The following VWA3A variants were observed in gnomAD, a reference collection of about 807,000 sequenced individuals.
The protein encoded by VWA3A is von Willebrand factor A domain-containing protein 3A.
Under a neutral mutation model 160.4 loss-of-function variants are expected in VWA3A, and 134 were observed. That is an observed-to-expected ratio of 0.84 (90% CI 0.73 to 0.96). The LOEUF is 0.96. Among genes scored for constraint, VWA3A ranks in the 40% least tolerant of loss-of-function variants. VWA3A has a pLI of 0.00. For synonymous variants in VWA3A, 476 were observed against 543.4 expected, an observed-to-expected ratio of 0.88 and a Z score of 1.72; for missense variants, 1,310 against 1,447.9, an observed-to-expected ratio of 0.90 and a Z score of 1.55.
intron 26 of VWA3A, among the ~76,000 whole-genome samples, chr16:22,145,861 C>T (rs2046240387): frequency 6.6e-6 from 1 of 151,894 alleles, no homozygotes; most frequent in Non-Finnish European, 1.5e-5. Flanking sequence ...GCTCTGTCAT[C>T]CAGGCAGGAG....
In VWA3A at chr16:22,102,210, G is replaced by T. The variant is rs914965519; in HGVS notation, c.429-1265G>T. On this transcript the variant is annotated intron_variant, in intron 5 of 33. Coordinates refer to ENST00000389398, the MANE Select transcript of VWA3A (RefSeq NM_173615.5). ...TACAAAAAATATAAAAATTAGCCAG[G>T]TGTGGTGGTGTGCATCTATAGTTCC... is the stretch of plus-strand genomic sequence containing the variant. Among the ~76,000 whole-genome samples, 3 of 152,214 alleles carry T rather than the reference G, an allele frequency of 2.0e-5. No individual in the cohort carries two copies. In the East Asian group the frequency reaches 5.8e-4, roughly 29 times the overall value.
chr16:22,150,612 C>T, intron 29 of VWA3A, 83 bp from the exon 30 acceptor site: 2 of 1,466,386 alleles, frequency 1.4e-6, no homozygotes, highest in Non-Finnish European at 9.1e-7. Context: ...GAGGCGGCAG[C>T]AGGCACTACC....
intron 13 of VWA3A, 44 bp downstream of exon 13, chr16:22,121,147 C>T (rs2045727768): frequency 6.2e-7 from 1 of 1,612,808 alleles, no homozygotes; most frequent in Admixed American, 1.7e-5. Context: ...AGGTGACTGA[C>T]TAAAAGGCTT....
rs2046080274 is a variant in VWA3A at position 22,138,293 on chromosome 16, G to A, written c.2140-67G>A. 9 of 686,370 alleles carry A rather than the reference G, an allele frequency of 1.3e-5. No individual in the cohort carries two copies. In the South Asian group the frequency reaches 2.2e-4, roughly 17 times the overall value. 42.5% of individuals were successfully genotyped at this position (686,370 alleles called of 1,614,324 possible). ...TCCAGTGGATACAGTCCCTCCTGCT[G>A]TGTGTGTGTGTGTGTGTGTGTCCAC... is the stretch of plus-strand genomic sequence containing the variant. On this transcript the variant is annotated intron_variant, in intron 21 of 33. Transcript: ENST00000389398.
chr16:22,127,398 T>C (rs1244765390), intron 17 of VWA3A, among the ~76,000 whole-genome samples: 1 of 152,150 alleles, frequency 6.6e-6, no homozygotes, highest in Non-Finnish European at 1.5e-5. Context: ...AGTGCTGGGA[T>C]TACAGGCTTG....
intron 30 of VWA3A, among the ~76,000 whole-genome samples, 191 bp downstream of exon 30, chr16:22,151,037 TGGGAGGTTGA>T (rs1334960491): frequency 6.6e-6 from 1 of 152,084 alleles, no homozygotes; most frequent in Non-Finnish European, 1.5e-5. Context: ...CCCAGCATTT[TGGGAGGTTGA>T]GGCAGGTGGA....
rs1386382075 is a variant in VWA3A, at chr16:22,156,732, C to G, written c.*715C>G. On this transcript the variant is annotated 3_prime_UTR_variant, in exon 34 of 34. Coordinates refer to ENST00000389398, the MANE Select transcript of VWA3A (RefSeq NM_173615.5). Reference sequence around the variant, plus strand: ...CAGCCCATCCTGGGGGAAGAAGAAACAAGTGAGCCTCAGCACCACCCTCCA... The same window carrying G: ...CAGCCCATCCTGGGGGAAGAAGAAAGAAGTGAGCCTCAGCACCACCCTCCA... 1 of 152,188 alleles carries G rather than the reference C, an allele frequency of 6.6e-6. No homozygotes were observed. The highest frequency in any genetic ancestry group is 1.5e-5 in the Non-Finnish European group (1 of 68,042). The allele number at this position is 152,188 out of a possible 1,614,324, so 9.4% of individuals were successfully genotyped here.
intron 31 of VWA3A, 25 bp from the exon 32 acceptor site, chr16:22,155,542 T>C: frequency 6.2e-7 from 1 of 1,607,916 alleles, no homozygotes; most frequent in Non-Finnish European, 8.5e-7. Flanking sequence ...AGTCATAAAC[T>C]TCACACTCAT....
intron 29 of VWA3A, among the ~76,000 whole-genome samples, chr16:22,150,281 A>G (rs2046326584): frequency 6.6e-6 from 1 of 152,174 alleles, no homozygotes; most frequent in Non-Finnish European, 1.5e-5. Context: ...CATGCCTGTA[A>G]TCCCAACTAC....
intron 1 of VWA3A, 100 bp downstream of exon 1, chr16:22,092,751 G>A: frequency 6.8e-7 from 1 of 1,471,302 alleles, no homozygotes; most frequent in Non-Finnish European, 9.2e-7. Flanking sequence ...AGGGAGCTTG[G>A]GGTGTGAAGT....
intron 13 of VWA3A, 28 bp from the exon 14 acceptor site, chr16:22,121,486 T>C: frequency 6.4e-7 from 1 of 1,558,392 alleles, no homozygotes; most frequent in Non-Finnish European, 8.8e-7. Flanking sequence ...TCTCAGGCAG[T>C]GCCTCCAACC....
At chr16:22,146,858 A>G (rs2046262269) in intron 27 of VWA3A, among the ~76,000 whole-genome samples, 1 of 151,962 alleles carries the variant, frequency 6.6e-6, no homozygotes, top group East Asian at 1.9e-4. Context: ...CCCCAGCGGG[A>G]GCTCACACGC....
intron 3 of VWA3A, among the ~76,000 whole-genome samples, chr16:22,098,288 A>C (rs1225240010): frequency 6.6e-6 from 1 of 152,218 alleles, no homozygotes; most frequent in Admixed American, 6.5e-5. Context: ...AATGATAGTC[A>C]AAAACAATAC....
chr16:22,151,325 T>C lies in VWA3A; in HGVS notation c.3281+479T>C, dbSNP rs903412643. Among the ~76,000 whole-genome samples the C allele has an allele frequency of 2.1e-4, 32 of 152,112 alleles. 1 individual carries two copies. The highest frequency in any genetic ancestry group is 7.2e-4 in the African/African-American group (30 of 41,432). ...GAAAGAAGTTAGGAGAAGCATTGTT[T>C]TTCTAGACGGCCCAAGCCGGTGTCA... On this transcript the variant is annotated intron_variant, in intron 30 of 33. Coordinates refer to ENST00000389398, the MANE Select transcript of VWA3A (RefSeq NM_173615.5).
At chr16:22,101,693 A>C (rs2045409980) in intron 5 of VWA3A, among the ~76,000 whole-genome samples, 1 of 152,234 alleles carries the variant, frequency 6.6e-6, no homozygotes, top group African/African-American at 2.4e-5. Flanking sequence ...CCATTCATGG[A>C]ATGACCAGTT....
Position 22,121,618 on chromosome 16 carries a change from G to A in VWA3A, c.1356+1G>A. On this transcript the variant is annotated splice_donor_variant, in intron 14 of 33. Transcript: ENST00000389398. LOFTEE classifies it high-confidence loss of function. ...AACAGTATCATCGACCATCCATGAG[G>A]TAATTCAGATTCATAATTCTCTCCA... 1 of 1,606,764 alleles carries A rather than the reference G, an allele frequency of 6.2e-7. No homozygotes were observed. Among genetic ancestry groups the A allele is most frequent in the Middle Eastern group, 1.7e-4 (1 of 6,048 alleles).
rs758580203 is a variant in VWA3A at position 22,126,189 on chromosome 16, T to A, written c.1544T>A (p.Leu515Gln). ...GTVCEKRVVV[L>Q]LDISATNSMY... ...GTGTTTCCTTTTAGGGTGGTTGTAC[T>A]GCTCGATATCTCTGCGACCAATTCC... is the stretch of plus-strand genomic sequence containing the variant. Residue 515 changes from leucine (L) to glutamine (Q), a missense_variant, in exon 17 of 34, where the codon CTG (leucine) becomes CAG (glutamine). Physicochemically the swap from Leu to Gln is moderately radical, Grantham distance 113. Transcript: ENST00000389398. 5.0e-6 allele frequency: 8 copies of A among 1,613,814 alleles called. No individual in the cohort carries two copies. The highest frequency in any genetic ancestry group is 1.6e-4 in the Middle Eastern group (1 of 6,084).
At chr16:22,124,500 CA>C (rs2045805618) in intron 16 of VWA3A, among the ~76,000 whole-genome samples, 1 of 148,970 alleles carries the variant, frequency 6.7e-6, no homozygotes, top group African/African-American at 2.4e-5. Context: ...TTAACATTTA[CA>C]AAGTATTATA....
chr16:22,140,180 G>A lies in VWA3A; in HGVS notation c.2319G>A (p.Glu773=). The change falls in exon 23 of 34, where the codon GAG becomes GAA. Residue 773 remains glutamate, a synonymous_variant. Transcript: ENST00000389398. Reference sequence around the variant, plus strand: ...GCATTAAAGATGACCCTGACAGAGAGAAGAGCCCCCCGCTGAAATCTCTGA... The same window carrying A: ...GCATTAAAGATGACCCTGACAGAGAAAAGAGCCCCCCGCTGAAATCTCTGA... ...RMSIKDDPDR[E]KSPPLKSLKW... is the part of the protein sequence containing the mutation. 6.2e-7 allele frequency: 1 copy of A among 1,613,730 alleles called. No individual in the cohort carries two copies. The highest frequency in any genetic ancestry group is 1.1e-5 in the South Asian group (1 of 91,048).
Sources: gnomAD v4.1 joint callset for allele counts (sites outside exome capture counted in the v4.1 genomes callset) on GRCh38, gnomAD v4.1.1 for gene constraint, MANE v1.5 for transcripts, NCBI Gene and HGNC (gene_info 2026-07-23, HGNC 2026-07-21) for gene names.